Variants in MAP3K1 observed in about 807,000 individuals in gnomAD.
MAP3K1 encodes MAP/ERK kinase kinase 1.
A neutral mutation model predicts 144.2 loss-of-function variants in MAP3K1; 36 were observed. The ratio of observed to expected loss-of-function variants is 0.25; its 90% CI spans 0.19 to 0.33. MAP3K1 has a LOEUF of 0.33. Ranked by LOEUF, MAP3K1 falls within the 10% of genes least tolerant of loss-of-function variation. MAP3K1 has a pLI of 1.00. For synonymous variants in MAP3K1, 718 were observed against 688.7 expected, an observed-to-expected ratio of 1.04 and a Z score of -0.67; for missense variants, 1,650 against 1,881.9, an observed-to-expected ratio of 0.88 and a Z score of 2.28.
intron 1 of MAP3K1, among the ~76,000 whole-genome samples, chr5:56,827,432 C>T (rs565532803): frequency 1.8e-4 from 28 of 152,240 alleles, no homozygotes; most frequent in Non-Finnish European, 3.8e-4. Context: ...TTTTGTACTT[C>T]AGTAGCTCCA....
chr5:56,855,081 T>A (rs902549797), intron 1 of MAP3K1, among the ~76,000 whole-genome samples: 5 of 152,064 alleles, frequency 3.3e-5, no homozygotes, highest in Admixed American at 2.6e-4. Flanking sequence ...CCTGTGTTCT[T>A]CACCCCTACC....
At chr5:56,839,602 G>A (rs1056058670) in intron 1 of MAP3K1, among the ~76,000 whole-genome samples, 1 of 152,120 alleles carries the variant, frequency 6.6e-6, no homozygotes, top group Non-Finnish European at 1.5e-5. Flanking sequence ...CTAAAAAGTT[G>A]ATGAGGATAA....
chr5:56,844,794 G>T (rs1342816914), intron 1 of MAP3K1, among the ~76,000 whole-genome samples: 1 of 152,194 alleles, frequency 6.6e-6, no homozygotes, highest in Non-Finnish European at 1.5e-5. Flanking sequence ...TGCCTGGCCA[G>T]TGCTTATCTG....
chr5:56,893,815 C>A lies in MAP3K1; in HGVS notation c.*135C>A. The A allele has an allele frequency of 1.1e-6, 1 of 901,058 alleles. No homozygotes were observed. The highest frequency in any genetic ancestry group is 1.8e-6 in the Non-Finnish European group (1 of 569,586). 55.8% of individuals were successfully genotyped at this position (901,058 alleles called of 1,614,324 possible). On this transcript the variant is annotated 3_prime_UTR_variant, in exon 20 of 20. Transcript: ENST00000399503. ...GAACGAGGCCAGTGGGGAACCCTTA[C>A]CTAAGTATGTGATTGACAAATCATG... is the stretch of plus-strand genomic sequence containing the variant.
chr5:56,845,973 C>G (rs1466086027), intron 1 of MAP3K1, among the ~76,000 whole-genome samples: 1 of 152,246 alleles, frequency 6.6e-6, no homozygotes. Context: ...TGAAAGAGTC[C>G]TAGTATTTAG....
At chr5:56,817,701 C>G (rs1476115887) in intron 1 of MAP3K1, among the ~76,000 whole-genome samples, 1 of 152,100 alleles carries the variant, frequency 6.6e-6, no homozygotes, top group Admixed American at 6.5e-5. Context: ...TAAATGAATT[C>G]CAGATAAAAA....
chr5:56,891,251 G>A (rs1256073272), intron 19 of MAP3K1, among the ~76,000 whole-genome samples: 1 of 151,730 alleles, frequency 6.6e-6, no homozygotes, highest in African/African-American at 2.4e-5. Context: ...TTTTTGTGGT[G>A]TGTAAGATGT....
chr5:56,832,052 G>A (rs1406767158), intron 1 of MAP3K1, among the ~76,000 whole-genome samples: 1 of 152,132 alleles, frequency 6.6e-6, no homozygotes, highest in African/African-American at 2.4e-5. Flanking sequence ...CCCCATTACT[G>A]TCCTAACACT....
chr5:56,828,224 A>G (rs961435045), intron 1 of MAP3K1, among the ~76,000 whole-genome samples: 1 of 152,190 alleles, frequency 6.6e-6, no homozygotes, highest in Admixed American at 6.5e-5. Flanking sequence ...TACTAGAAAA[A>G]TAGAAAATGG....
chr5:56,833,297 C>T (rs185886999), intron 1 of MAP3K1, among the ~76,000 whole-genome samples: 8 of 152,312 alleles, frequency 5.3e-5, no homozygotes, highest in African/African-American at 9.6e-5. Context: ...TATGGTTGAA[C>T]TTTGTTAATA....
chr5:56,871,450 A>T (rs1361018165), intron 6 of MAP3K1, among the ~76,000 whole-genome samples: 1 of 152,184 alleles, frequency 6.6e-6, no homozygotes, highest in African/African-American at 2.4e-5. Flanking sequence ...TTTCTGGGAA[A>T]GTTGGATCAG....
rs866184770 is a variant in MAP3K1 at position 56,895,372 on chromosome 5, T to G, written c.*1692T>G. 4 of 230,830 alleles carry G rather than the reference T, an allele frequency of 1.7e-5. No individual in the cohort carries two copies. Among genetic ancestry groups the G allele is most frequent in the East Asian group, 6.1e-5 (1 of 16,358 alleles). The allele number at this position is 230,830 out of a possible 1,614,324, so 14.3% of individuals were successfully genotyped here. A position where few individuals can be genotyped will look rare whatever the true frequency, so the allele number is the denominator to read the frequency against. ...TGACTTTCTTTTTTATTTTGTTTTT[T>G]TTTTTTTTTGACTACTTAGAATTTT... On this transcript the variant is annotated 3_prime_UTR_variant, in exon 20 of 20. Transcript: ENST00000399503.
intron 1 of MAP3K1, among the ~76,000 whole-genome samples, chr5:56,853,851 A>C (rs1489809938): frequency 6.6e-6 from 1 of 152,176 alleles, no homozygotes; most frequent in Non-Finnish European, 1.5e-5. Context: ...CACGAGGTGC[A>C]GGGCCACTTA....
At chr5:56,836,708 A>C (rs1397237604) in intron 1 of MAP3K1, among the ~76,000 whole-genome samples, 2 of 152,120 alleles carry the variant, frequency 1.3e-5, no homozygotes, top group Non-Finnish European at 2.9e-5. Flanking sequence ...AGTTGTTGAG[A>C]ACAGCTGCTT....
At chr5:56,851,302 A>T (rs1424539817) in intron 1 of MAP3K1, among the ~76,000 whole-genome samples, 1 of 152,164 alleles carries the variant, frequency 6.6e-6, no homozygotes, top group African/African-American at 2.4e-5. Context: ...CATTGTGCAG[A>T]ACTAGTGTTT....
rs1581199524 is a variant in MAP3K1, at chr5:56,816,084, G to C, written c.482+29G>C. 9.1e-6 allele frequency: 11 copies of C among 1,206,746 alleles called. No individual in the cohort carries two copies. The East Asian group carries it at 3.7e-4, about 41-fold the overall frequency. 74.8% of individuals were successfully genotyped at this position (1,206,746 alleles called of 1,614,324 possible). On this transcript the variant is annotated intron_variant, in intron 1 of 19. Coordinates refer to ENST00000399503, the MANE Select transcript of MAP3K1 (RefSeq NM_005921.2). ...AGCAGCACGGCCGGGGTCGCGGCGGGGACTTGGAGAGCGGGCAGAGGGCAA... is the reference window on the plus strand; with the variant it reads ...AGCAGCACGGCCGGGGTCGCGGCGGCGACTTGGAGAGCGGGCAGAGGGCAA...
intron 19 of MAP3K1, among the ~76,000 whole-genome samples, chr5:56,891,174 C>CAG (rs1561206310): frequency 1.4e-5 from 2 of 143,880 alleles, no homozygotes; most frequent in Non-Finnish European, 3.0e-5. Flanking sequence ...CACACACACA[C>CAG]AAATCATCAG....
chr5:56,841,625 T>C (rs187757758), intron 1 of MAP3K1, among the ~76,000 whole-genome samples: 89 of 152,336 alleles, frequency 5.8e-4, no homozygotes, highest in Non-Finnish European at 9.4e-4. Context: ...GAATTTGTGG[T>C]CCTATTGAGC....
In MAP3K1 at chr5:56,882,163, C is replaced by T. The variant is rs1326307145; in HGVS notation, c.2963C>T (p.Ser988Phe). 3 of 1,614,156 alleles carry T rather than the reference C, an allele frequency of 1.9e-6. No homozygotes were observed. The highest frequency in any genetic ancestry group is 3.3e-5 in the Admixed American group (2 of 60,000). Reference protein sequence around the residue: ...LMFPALSTPSSSTPSVPAGTA... With the variant: ...LMFPALSTPSFSTPSVPAGTA... ...TTTCCAGCCTTGTCAACCCCTTCTT[C>T]TTCTACCCCATCTGTACCAGCTGGC... The change falls in exon 14 of 20, where the codon TCT becomes TTT. Residue 988 changes from serine to phenylalanine, a missense_variant. Physicochemically the swap from Ser to Phe is radical, Grantham distance 155. Around this residue, in one of 6 missense-constraint regions of MAP3K1, gnomAD observed 841 missense variants for 886.5 expected, o/e 0.95. Transcript: ENST00000399503.
Sources: gnomAD v4.1 joint callset for allele counts (sites outside exome capture counted in the v4.1 genomes callset) on GRCh38, gnomAD v4.1.1 for gene constraint, gnomAD v4.1.1 regional missense constraint, MANE v1.5 for transcripts, NCBI Gene and HGNC (gene_info 2026-07-23, HGNC 2026-07-21) for gene names.